DMGDH: variants seen among roughly 807,000 people sequenced by gnomAD.
DMGDH encodes dimethylglycine dehydrogenase, mitochondrial.
DMGDH carries 76 observed loss-of-function variants against 95.2 expected under a neutral mutation model. The observed-to-expected ratio is 0.80, with a 90% CI of 0.66 to 0.97. DMGDH has a LOEUF of 0.97. DMGDH is among the 50% of genes least tolerant of loss of function. The probability of loss-of-function intolerance (pLI) is 0.00; values close to 1 mark genes in which losing one functional copy is unlikely to be tolerated. For synonymous variants in DMGDH, 345 were observed against 377.6 expected, an observed-to-expected ratio of 0.91 and a Z score of 1.00; for missense variants, 987 against 1,055.0, an observed-to-expected ratio of 0.94 and a Z score of 0.89.
At chr5:79,054,405 A>T in intron 3 of DMGDH, 57 bp from the exon 4 acceptor site, 2 of 1,542,928 alleles carry the variant, frequency 1.3e-6, no homozygotes, top group African/African-American at 2.7e-5. Context: ...GTACTCAAAC[A>T]TGGTTCTGCT....
chr5:79,007,865 G>C (rs1213270322), intron 14 of DMGDH, among the ~76,000 whole-genome samples: 1 of 152,180 alleles, frequency 6.6e-6, no homozygotes, highest in African/African-American at 2.4e-5. Context: ...GTGTTAGGCA[G>C]CGGGTATTCA....
intron 15 of DMGDH, among the ~76,000 whole-genome samples, chr5:79,003,136 C>T (rs1205442300): frequency 2.0e-5 from 3 of 152,066 alleles, no homozygotes; most frequent in Non-Finnish European, 4.4e-5. Context: ...CTGAGTAAAA[C>T]AGAAGGTTGG....
intron 12 of DMGDH, 67 bp downstream of exon 12, chr5:79,028,366 A>T (rs1754057288): frequency 1.5e-6 from 2 of 1,363,174 alleles, no homozygotes; most frequent in African/African-American, 1.5e-5. Flanking sequence ...TTTTAATTTT[A>T]AATTTTAAAT....
rs1198950553 is a variant in DMGDH at position 79,005,410 on chromosome 5, G to A, written c.2251-3C>T. 1 of 1,613,930 alleles carries A rather than the reference G, an allele frequency of 6.2e-7. No homozygotes were observed. Among genetic ancestry groups the A allele is most frequent in the Non-Finnish European group, 8.5e-7 (1 of 1,179,992 alleles). Reference sequence around the variant, plus strand: ...TGCTTTCCTATGAAGTCTGCTGGCTGCAGGAATCCAAGATAATGATGATGA... The same window carrying A: ...TGCTTTCCTATGAAGTCTGCTGGCTACAGGAATCCAAGATAATGATGATGA... On this transcript the variant is annotated splice_polypyrimidine_tract_variant and splice_region_variant and intron_variant, in intron 14 of 15. Coordinates refer to ENST00000255189, the MANE Select transcript of DMGDH (RefSeq NM_013391.3).
chr5:79,024,462 T>C, intron 13 of DMGDH, 132 bp from the exon 14 acceptor site: 1 of 848,868 alleles, frequency 1.2e-6, no homozygotes, highest in South Asian at 1.6e-5. Flanking sequence ...AGGCAAACTA[T>C]AGACCGGTTT....
intron 10 of DMGDH, chr5:79,030,596 A>G: frequency 2.4e-6 from 1 of 420,748 alleles, no homozygotes; most frequent in South Asian, 2.7e-5. Context: ...CAGTGAGCCG[A>G]GATCACACCA....
At chr5:79,019,782 G>A (rs548988398) in intron 14 of DMGDH, among the ~76,000 whole-genome samples, 3 of 152,298 alleles carry the variant, frequency 2.0e-5, no homozygotes, top group African/African-American at 4.8e-5. Flanking sequence ...CTACTGGGGA[G>A]GCTGAGGCAA....
intron 4 of DMGDH, 91 bp downstream of exon 4, chr5:79,054,093 C>A (rs916192063): frequency 1.9e-5 from 27 of 1,441,790 alleles, no homozygotes; most frequent in Non-Finnish European, 2.4e-5. Flanking sequence ...AATGTGTGTA[C>A]CAAGTTTTCT....
chr5:79,005,225 G>GC, intron 15 of DMGDH, 48 bp downstream of exon 15: 1 of 1,611,678 alleles, frequency 6.2e-7, no homozygotes, highest in Non-Finnish European at 8.5e-7. Context: ...GGGAGTTTCT[G>GC]TTGCAGAAGA....
chr5:79,001,171 C>G (rs1753446738), intron 15 of DMGDH: 1 of 463,750 alleles, frequency 2.2e-6, no homozygotes, highest in African/African-American at 2.0e-5. Context: ...CTTTTGTTTG[C>G]TTGTTTTTTG....
Position 79,028,523 on chromosome 5 carries a change from C to T in DMGDH, c.1942G>A (p.Asp648Asn). The change falls in exon 12 of 16, where the codon GAT becomes AAT. Residue 648 changes from aspartate to asparagine, a missense_variant. Coordinates refer to ENST00000255189, the MANE Select transcript of DMGDH (RefSeq NM_013391.3). ...RKVLQKLTSE[D>N]LSDDVFKFLQ... ...AACTTGAAAACATCATCACTAAGAT[C>T]TTCAGAGGTCAGTTTCTGAAGGACC... is the stretch of plus-strand genomic sequence containing the variant. 1 of 1,614,138 alleles carries T rather than the reference C, an allele frequency of 6.2e-7. No homozygotes were observed. The highest frequency in any genetic ancestry group is 8.5e-7 in the Non-Finnish European group (1 of 1,180,016).
In DMGDH at chr5:78,998,184, T is replaced by C; in HGVS notation, c.2499A>G (p.Leu833=). ...TGACTGCTGGGTAATTTTTGCCTAA[T>C]AGTTCAACTTCCACTTGCTGTCCCA... ...SEVGQQVEVE[L]LGKNYPAVII... Residue 833 remains leucine, a synonymous_variant, in exon 16 of 16, where the codon CTA becomes CTG. Coordinates refer to ENST00000255189, the MANE Select transcript of DMGDH (RefSeq NM_013391.3). The C allele has an allele frequency of 7.4e-6, 12 of 1,614,218 alleles. No individual in the cohort carries two copies. Among genetic ancestry groups the C allele is most frequent in the South Asian group, 1.1e-5 (1 of 91,080 alleles).
intron 14 of DMGDH, among the ~76,000 whole-genome samples, chr5:79,018,358 A>T (rs963870395): frequency 6.6e-6 from 1 of 152,202 alleles, no homozygotes; most frequent in Non-Finnish European, 1.5e-5. Flanking sequence ...TAAACATAAC[A>T]ACACAAATGA....
At chr5:79,050,268 AAAAAAAT>A (rs1754811348) in intron 5 of DMGDH, among the ~76,000 whole-genome samples, 2 of 59,294 alleles carry the variant, frequency 3.4e-5, no homozygotes, top group Admixed American at 2.0e-4. Context: ...AAAAAAAAAA[AAAAAAAT>A]ATATATATAT....
intron 12 of DMGDH, among the ~76,000 whole-genome samples, chr5:79,027,072 C>G (rs1296534668): frequency 6.6e-6 from 1 of 152,220 alleles, no homozygotes; most frequent in East Asian, 1.9e-4. Flanking sequence ...TGACTTCTCC[C>G]CCTCCCACTT....
intron 2 of DMGDH, among the ~76,000 whole-genome samples, chr5:79,059,933 ATTAT>A (rs1435773046): frequency 3.9e-5 from 6 of 152,212 alleles, no homozygotes; most frequent in Admixed American, 3.9e-4. Flanking sequence ...CACACATGAT[ATTAT>A]TTAAAGCCCT....
chr5:79,031,291 A>C (rs538981531), intron 9 of DMGDH, among the ~76,000 whole-genome samples: 3 of 152,286 alleles, frequency 2.0e-5, no homozygotes, highest in Admixed American at 2.0e-4. Flanking sequence ...TCTGGAAGAG[A>C]GTTTATAAGT....
intron 15 of DMGDH, 34 bp from the exon 16 acceptor site, chr5:78,998,331 T>TG: frequency 6.3e-7 from 1 of 1,585,634 alleles, no homozygotes; most frequent in Non-Finnish European, 8.6e-7. Flanking sequence ...CTCAGCATCT[T>TG]GGTCACAGCT....
intron 14 of DMGDH, among the ~76,000 whole-genome samples, chr5:79,009,511 CA>C (rs1753610013): frequency 2.0e-5 from 3 of 152,154 alleles, no homozygotes; most frequent in African/African-American, 7.2e-5. Context: ...AGGCACACAC[CA>C]CCAGGCCTTG....
Sources: gnomAD v4.1 joint callset for allele counts (sites outside exome capture counted in the v4.1 genomes callset) on GRCh38, gnomAD v4.1.1 for gene constraint, MANE v1.5 for transcripts, NCBI Gene and HGNC (gene_info 2026-07-23, HGNC 2026-07-21) for gene names.